The following LMAN2 variants were observed in gnomAD, a reference collection of about 807,000 sequenced individuals.
The protein encoded by LMAN2 is vesicular integral-membrane protein VIP36.
Under a neutral mutation model 39.3 loss-of-function variants are expected in LMAN2, and 22 were observed. The observed-to-expected ratio is 0.56, with a 90% confidence interval of 0.40 to 0.80. LMAN2 has a LOEUF of 0.80. LMAN2 is among the 30% of genes least tolerant of loss of function. The pLI is 0.00. For synonymous variants in LMAN2, 207 were observed against 207.8 expected (o/e 1.00, Z 0.03); for missense variants, 494 against 505.4 (o/e 0.98, Z 0.22).
intron 2 of LMAN2, among the ~76,000 whole-genome samples, chr5:177,347,116 C>G (rs1026551765): frequency 2.6e-5 from 4 of 152,072 alleles, no homozygotes; most frequent in Admixed American, 2.6e-4. Flanking sequence ...TATTTGAAAA[C>G]TTTAAAAAAA....
At chr5:177,345,736 C>T (rs4976687) in intron 2 of LMAN2, among the ~76,000 whole-genome samples, 38,217 of 135,250 alleles carry the variant, frequency 0.28, 6,057 homozygotes, top group Middle Eastern at 0.42. Flanking sequence ...CCATGGCATG[C>T]ATTTATTTAT....
intron 2 of LMAN2, among the ~76,000 whole-genome samples, chr5:177,348,104 G>A (rs2127319595): frequency 6.6e-6 from 1 of 152,154 alleles, no homozygotes; most frequent in Non-Finnish European, 1.5e-5. Context: ...GATGGGGGTG[G>A]GGGGTGACAT....
chr5:177,332,033 A>C lies in LMAN2; in HGVS notation c.*53T>G. Reference sequence around the variant, plus strand: ...GTTCTTTTATAATCCCGGTAAAAAAAAAAGTTCACATTGGCTCCTGGGCCC... The same window carrying C: ...GTTCTTTTATAATCCCGGTAAAAAACAAAGTTCACATTGGCTCCTGGGCCC... On this transcript the variant is annotated 3_prime_UTR_variant, in exon 8 of 8. Coordinates refer to ENST00000303127, the MANE Select transcript of LMAN2 (RefSeq NM_006816.3). This position sits in a 1 kb window ranked among gnomAD's most constrained non-coding sequence, Gnocchi z 6.3. 6.6e-7 allele frequency: 1 copy of C among 1,522,186 alleles called. No homozygotes were observed. Among genetic ancestry groups the C allele is most frequent in the South Asian group, 1.2e-5 (1 of 81,244 alleles). The allele number at this position is 1,522,186 out of a possible 1,614,324, so 94.3% of individuals were successfully genotyped here. A position where few individuals can be genotyped will look rare whatever the true frequency, so the allele number is the denominator to read the frequency against.
At chr5:177,341,861 A>C (rs1039887594) in intron 2 of LMAN2, among the ~76,000 whole-genome samples, 1 of 152,236 alleles carries the variant, frequency 6.6e-6, no homozygotes, top group Non-Finnish European at 1.5e-5. Flanking sequence ...GAAGAAGGTA[A>C]AGTACACATT....
At position 177,337,664 on chromosome 5, in the gene LMAN2, A is replaced by C. The variant is rs371960732; in HGVS notation, c.513+42T>G. ...GGCCCCCTCCTCTAGCCGACTGCCCAGTCCTTCCTTTCCTGCTCAGCAGGA... is the reference window on the plus strand; with the variant it reads ...GGCCCCCTCCTCTAGCCGACTGCCCCGTCCTTCCTTTCCTGCTCAGCAGGA... On this transcript the variant is annotated intron_variant, in intron 4 of 7. Transcript: ENST00000303127. This position sits in a 1 kb window ranked among gnomAD's most constrained non-coding sequence, Gnocchi z 8.2. 1.9e-6 allele frequency: 3 copies of C among 1,610,238 alleles called. No homozygotes were observed. The highest frequency in any genetic ancestry group is 2.5e-6 in the Non-Finnish European group (3 of 1,177,424).
chr5:177,334,965 C>T (rs990477935), intron 6 of LMAN2, among the ~76,000 whole-genome samples: 1 of 152,166 alleles, frequency 6.6e-6, no homozygotes, highest in African/African-American at 2.4e-5. Context: ...AGCAGCTGTG[C>T]CTGAGGAGAC....
chr5:177,343,564 GAC>G (rs368470169), intron 2 of LMAN2, among the ~76,000 whole-genome samples: 30,881 of 84,352 alleles, frequency 0.37, 3,316 homozygotes, highest in African/African-American at 0.51. Flanking sequence ...ATGTGGTCTA[GAC>G]ACACACACAC....
intron 6 of LMAN2, among the ~76,000 whole-genome samples, chr5:177,335,155 G>T (rs2127314136): frequency 6.6e-6 from 1 of 152,314 alleles, no homozygotes; most frequent in African/African-American, 2.4e-5. Flanking sequence ...CTGGAGCCAA[G>T]GGGGGACCTA....
intron 7 of LMAN2, among the ~76,000 whole-genome samples, chr5:177,333,804 G>GCT (rs1483346299): frequency 6.6e-6 from 1 of 152,248 alleles, no homozygotes; most frequent in South Asian, 2.1e-4. Context: ...TTCCAATCTT[G>GCT]CTCTCTCTCT....
intron 2 of LMAN2, among the ~76,000 whole-genome samples, chr5:177,342,961 A>T (rs1466192303): frequency 6.6e-6 from 1 of 152,190 alleles, no homozygotes. Context: ...AGAATATATT[A>T]AAAAACCCTA....
rs184868349 is a variant in LMAN2, at chr5:177,351,415, C to T, written c.196+37G>A. The T allele has an allele frequency of 7.0e-3, 11,244 of 1,607,592 alleles. 49 individuals carry two copies. Among genetic ancestry groups the T allele is most frequent in the Non-Finnish European group, 8.0e-3 (9,445 of 1,175,636 alleles). Reference sequence around the variant, plus strand: ...TTCCCCTAGCCCTGTTCAGCCTCGCCCTCACTCTTCACTCATTCCCGCCCC... The same window carrying T: ...TTCCCCTAGCCCTGTTCAGCCTCGCTCTCACTCTTCACTCATTCCCGCCCC... On this transcript the variant is annotated intron_variant, in intron 1 of 7. Coordinates refer to ENST00000303127, the MANE Select transcript of LMAN2 (RefSeq NM_006816.3).
intron 2 of LMAN2, among the ~76,000 whole-genome samples, chr5:177,345,209 G>A (rs1581605505): frequency 6.6e-6 from 1 of 151,398 alleles, no homozygotes; most frequent in South Asian, 2.1e-4. Context: ...GCCAGGCATG[G>A]TGGTGTGCGC....
At chr5:177,351,421 T>C (rs376981559) in intron 1 of LMAN2, 31 bp downstream of exon 1, 1 of 1,609,040 alleles carries the variant, frequency 6.2e-7, no homozygotes, top group South Asian at 1.1e-5. Context: ...TCGCCCTCAC[T>C]CTTCACTCAT....
In LMAN2 at chr5:177,337,594, C is replaced by T; in HGVS notation, c.514-70G>A. ...GGGCGAGCAGGGGCACCCACCACCC[C>T]AATCCCTGGAGGCTCCTCTTGTGCT... On this transcript the variant is annotated intron_variant, in intron 4 of 7. Transcript: ENST00000303127. This position sits in a 1 kb window ranked among gnomAD's most constrained non-coding sequence, Gnocchi z 8.2. The T allele has an allele frequency of 6.2e-7, 1 of 1,606,970 alleles. No homozygotes were observed. The highest frequency in any genetic ancestry group is 8.5e-7 in the Non-Finnish European group (1 of 1,175,414).
intron 6 of LMAN2, among the ~76,000 whole-genome samples, chr5:177,335,996 A>G (rs565334657): frequency 9.2e-5 from 14 of 152,358 alleles, no homozygotes; most frequent in African/African-American, 3.4e-4. Flanking sequence ...GTGCTCGCTG[A>G]GCACCTGCCC....
chr5:177,341,766 G>A (rs1048791483), intron 2 of LMAN2, among the ~76,000 whole-genome samples: 1 of 152,194 alleles, frequency 6.6e-6, no homozygotes, highest in Non-Finnish European at 1.5e-5. Flanking sequence ...AAAACAATGG[G>A]TTGTGTGATT....
Position 177,337,018 on chromosome 5 carries a change from G to T in LMAN2, c.790+118C>A. 1 of 721,294 alleles carries T rather than the reference G, an allele frequency of 1.4e-6. No individual in the cohort carries two copies. Among genetic ancestry groups the T allele is most frequent in the South Asian group, 1.7e-5 (1 of 60,408 alleles). 44.7% of individuals were successfully genotyped at this position (721,294 alleles called of 1,614,324 possible). On this transcript the variant is annotated intron_variant, in intron 6 of 7. Coordinates refer to ENST00000303127, the MANE Select transcript of LMAN2 (RefSeq NM_006816.3). The surrounding 1 kb of genome is among the most constrained non-coding windows in gnomAD (Gnocchi z 8.2). Reference sequence around the variant, plus strand: ...CCATTTACAGAAGAAAGGAGGAGGAGGAACACAGCCAGGTGAGCTCAGAAA... The same window carrying T: ...CCATTTACAGAAGAAAGGAGGAGGATGAACACAGCCAGGTGAGCTCAGAAA...
At chr5:177,334,952 G>T (rs1761446972) in intron 6 of LMAN2, among the ~76,000 whole-genome samples, 2 of 152,196 alleles carry the variant, frequency 1.3e-5, no homozygotes. Context: ...CCTAACGCAG[G>T]TCAGCAGCTG....
rs1218280709 is a variant in LMAN2, at chr5:177,341,502, T to C, written c.316-2897A>G. Among the ~76,000 whole-genome samples the C allele has an allele frequency of 4.6e-5, 7 of 152,214 alleles. No homozygotes were observed. In the East Asian group the frequency reaches 1.3e-3, roughly 29 times the overall value. ...GCAAGAAGGCAGATGACTGATATGTTTGGAGATACAGGAAGGTAACAGCCA... is the reference window on the plus strand; with the variant it reads ...GCAAGAAGGCAGATGACTGATATGTCTGGAGATACAGGAAGGTAACAGCCA... On this transcript the variant is annotated intron_variant, in intron 2 of 7. Transcript: ENST00000303127.
Sources: allele counts gnomAD v4.1 joint callset (sites outside exome capture counted in the v4.1 genomes callset), GRCh38; gene constraint gnomAD v4.1.1; non-coding constraint Gnocchi (gnomAD v3.1); transcripts MANE v1.5; gene names NCBI Gene and HGNC (gene_info 2026-07-23, HGNC 2026-07-21).